The following PPIP5K2 variants were observed in gnomAD, a reference collection of about 807,000 sequenced individuals.
PPIP5K2 encodes the protein inositol hexakisphosphate and diphosphoinositol-pentakisphosphate kinase 2.
PPIP5K2 carries 105 observed loss-of-function variants against 154.6 expected under a neutral mutation model. The ratio of observed to expected loss-of-function variants is 0.68; its 90% CI spans 0.58 to 0.80. The LOEUF is 0.80. Ranked by LOEUF, PPIP5K2 falls within the 30% of genes least tolerant of loss-of-function variation. The pLI is 0.00. For synonymous variants in PPIP5K2, 480 were observed against 490.3 expected (o/e 0.98, Z 0.28); for missense variants, 992 against 1,504.6 (o/e 0.66, Z 5.64).
chr5:103,143,869 T>C (rs556427670), intron 5 of PPIP5K2, among the ~76,000 whole-genome samples: 3 of 152,194 alleles, frequency 2.0e-5, no homozygotes, highest in Non-Finnish European at 4.4e-5. Flanking sequence ...CCTCTAAGAA[T>C]TGGAACAAGA....
intron 10 of PPIP5K2, among the ~76,000 whole-genome samples, chr5:103,153,531 T>C (rs1409311879): frequency 4.0e-5 from 6 of 151,894 alleles, no homozygotes; most frequent in Non-Finnish European, 4.4e-5. Flanking sequence ...ATGCTATGGA[T>C]CAGATATATA....
rs12520040 is a variant in PPIP5K2, at chr5:103,183,319, G to A, written c.3008G>A (p.Arg1003Lys). The A allele has an allele frequency of 2.5e-6, 4 of 1,604,114 alleles. No homozygotes were observed. Among genetic ancestry groups the A allele is most frequent in the Non-Finnish European group, 3.4e-6 (4 of 1,176,352 alleles). ...AGTGGTGTGGGTACTGGGCGTCGAAGACGCAGATCAGGGGAACAAATCACT... is the reference window on the plus strand; with the variant it reads ...AGTGGTGTGGGTACTGGGCGTCGAAAACGCAGATCAGGGGAACAAATCACT... ...YTSGVGTGRR[R>K]RRSGEQITSS... The change falls in exon 25 of 31, where the codon AGA becomes AAA. Residue 1003 changes from arginine to lysine, a missense_variant. By Grantham distance (26) the Arg-to-Lys change is conservative. Transcript: ENST00000358359.
At chr5:103,121,564 A>T (rs917937511) in intron 1 of PPIP5K2, among the ~76,000 whole-genome samples, 5 of 152,226 alleles carry the variant, frequency 3.3e-5, no homozygotes, top group Admixed American at 3.3e-4. Context: ...AGTGTCTGAA[A>T]GTATCCATTC....
At chr5:103,189,324 T>G in intron 28 of PPIP5K2, 1 of 979,850 alleles carries the variant, frequency 1.0e-6, no homozygotes, top group East Asian at 2.7e-5. Flanking sequence ...TTATTAAAGA[T>G]AAGTGGAAAA....
At chr5:103,167,141 A>G in intron 17 of PPIP5K2, 38 bp from the exon 18 acceptor site, 1 of 1,429,814 alleles carries the variant, frequency 7.0e-7, no homozygotes, top group Non-Finnish European at 9.3e-7. Context: ...ACAATTAGGC[A>G]TAACCAGATA....
At chr5:103,148,909 C>A (rs960974068) in intron 7 of PPIP5K2, among the ~76,000 whole-genome samples, 1 of 151,958 alleles carries the variant, frequency 6.6e-6, no homozygotes, top group Admixed American at 6.6e-5. Flanking sequence ...CCTCGTAATA[C>A]TCAATATAAT....
At chr5:103,196,096 T>C (rs1430985657) in intron 30 of PPIP5K2, among the ~76,000 whole-genome samples, 3 of 152,224 alleles carry the variant, frequency 2.0e-5, no homozygotes, top group Admixed American at 6.5e-5. Flanking sequence ...TTAATTATTA[T>C]ACTGTATCCA....
At chr5:103,143,360 A>AT (rs1793166268) in intron 5 of PPIP5K2, among the ~76,000 whole-genome samples, 1 of 152,112 alleles carries the variant, frequency 6.6e-6, no homozygotes. Context: ...CCAAGTAATT[A>AT]TTTTTTGTAG....
chr5:103,141,322 G>A (rs1792600331), intron 5 of PPIP5K2, among the ~76,000 whole-genome samples: 1 of 152,006 alleles, frequency 6.6e-6, no homozygotes, highest in Admixed American at 6.5e-5. Flanking sequence ...TGGGTTCGTG[G>A]TCTCGCTGGC....
chr5:103,152,259 G>A (rs1470378679), intron 9 of PPIP5K2, among the ~76,000 whole-genome samples: 1 of 151,866 alleles, frequency 6.6e-6, no homozygotes, highest in African/African-American at 2.4e-5. Flanking sequence ...TTGTTAAGAT[G>A]AACACAATAT....
chr5:103,150,994 C>A (rs1737499630), intron 8 of PPIP5K2, among the ~76,000 whole-genome samples: 1 of 151,642 alleles, frequency 6.6e-6, no homozygotes, highest in Non-Finnish European at 1.5e-5. Flanking sequence ...TTTTGGGCCT[C>A]TGTAGCCCCT....
At chr5:103,183,596 C>T (rs896422943) in intron 25 of PPIP5K2, among the ~76,000 whole-genome samples, 189 bp downstream of exon 25, 1 of 151,958 alleles carries the variant, frequency 6.6e-6, no homozygotes, top group African/African-American at 2.4e-5. Context: ...ACTTACATGG[C>T]ATGTGTTTAG....
chr5:103,179,213 C>G (rs782754455), intron 23 of PPIP5K2, among the ~76,000 whole-genome samples: 4 of 151,796 alleles, frequency 2.6e-5, no homozygotes, highest in Non-Finnish European at 4.4e-5. Context: ...CCTTTTTATT[C>G]TCTGTAACCC....
At chr5:103,146,050 ATAAAG>A (rs1793703371) in intron 5 of PPIP5K2, among the ~76,000 whole-genome samples, 1 of 152,090 alleles carries the variant, frequency 6.6e-6, no homozygotes, top group African/African-American at 2.4e-5. Flanking sequence ...TAAAAAAGAT[ATAAAG>A]TAATCATCAT....
Position 103,173,291 on chromosome 5 carries a change from C to A in PPIP5K2, c.2414+9C>A. ...AATAAACTTCATCCTGTGTAAGAAA[C>A]TGTACTGGTTATTTAAATCTCTAGG... On this transcript the variant is annotated intron_variant, in intron 20 of 30. Transcript: ENST00000358359. The A allele has an allele frequency of 6.3e-7, 1 of 1,598,732 alleles. No individual in the cohort carries two copies. The highest frequency in any genetic ancestry group is 8.5e-7 in the Non-Finnish European group (1 of 1,174,852).
intron 24 of PPIP5K2, among the ~76,000 whole-genome samples, chr5:103,181,122 A>G (rs1175262491): frequency 1.3e-5 from 2 of 152,188 alleles, no homozygotes; most frequent in Non-Finnish European, 2.9e-5. Flanking sequence ...GTTAGAATGA[A>G]GCTTGTTAAA....
At chr5:103,193,323 T>C in intron 29 of PPIP5K2, among the ~76,000 whole-genome samples, 1 of 152,084 alleles carries the variant, frequency 6.6e-6, no homozygotes, top group Non-Finnish European at 1.5e-5. Context: ...TATTTACAGT[T>C]AGTTCCCTGA....
At chr5:103,169,220 C>A (rs144838557) in intron 19 of PPIP5K2, among the ~76,000 whole-genome samples, 31 of 151,770 alleles carry the variant, frequency 2.0e-4, no homozygotes, top group Admixed American at 1.7e-3. Flanking sequence ...GTTAGAAGAA[C>A]AAAGTTCCAG....
At chr5:103,129,951 A>C (rs1276611110) in intron 2 of PPIP5K2, among the ~76,000 whole-genome samples, 1 of 152,226 alleles carries the variant, frequency 6.6e-6, no homozygotes, top group East Asian at 1.9e-4. Context: ...TTAGGTAACA[A>C]AAGTGGCAAA....
Sources: allele counts gnomAD v4.1 joint callset (sites outside exome capture counted in the v4.1 genomes callset), GRCh38; gene constraint gnomAD v4.1.1; transcripts MANE v1.5; gene names NCBI Gene and HGNC (gene_info 2026-07-23, HGNC 2026-07-21).